The following ATRNL1 variants were observed in gnomAD, a reference collection of about 807,000 sequenced individuals.
The protein encoded by ATRNL1 is attractin like 1, also known as attractin-like protein 1.
A neutral mutation model predicts 182.7 loss-of-function variants in ATRNL1; 95 were observed. The ratio of observed to expected loss-of-function variants is 0.52; its 90% confidence interval spans 0.44 to 0.62. ATRNL1 has a LOEUF of 0.62. Ranked by LOEUF, ATRNL1 falls within the 20% of genes least tolerant of loss-of-function variation. The pLI, the probability that ATRNL1 is intolerant of heterozygous loss-of-function variation, is 0.00. For missense variants in ATRNL1, 1,471 were observed against 1,679.5 expected, an observed-to-expected ratio of 0.88 and a Z score of 2.17; for synonymous variants, 576 against 568.3, an observed-to-expected ratio of 1.01 and a Z score of -0.19.
intron 21 of ATRNL1, among the ~76,000 whole-genome samples, chr10:115,446,755 A>C (rs1847019609): frequency 6.6e-6 from 1 of 152,028 alleles, no homozygotes; most frequent in African/African-American, 2.4e-5. Flanking sequence ...CTCATACAAA[A>C]AGTGAGAAGT....
chr10:115,874,162 C>T (rs1951647560), intron 28 of ATRNL1, among the ~76,000 whole-genome samples: 1 of 152,178 alleles, frequency 6.6e-6, no homozygotes, highest in South Asian at 2.1e-4. Context: ...GTTGCCTTTT[C>T]TGGCAGTCAG....
At chr10:115,350,806 A>G (rs181880425) in intron 19 of ATRNL1, among the ~76,000 whole-genome samples, 11 of 152,236 alleles carry the variant, frequency 7.2e-5, no homozygotes, top group African/African-American at 2.4e-4. Context: ...TCTGAGAAGA[A>G]TGTCATTGGT....
intron 25 of ATRNL1, among the ~76,000 whole-genome samples, chr10:115,522,326 C>T (rs973322648): frequency 1.3e-5 from 2 of 152,010 alleles, no homozygotes; most frequent in Admixed American, 1.3e-4. Flanking sequence ...GAAGAGGAAG[C>T]GGAGCTGGCA....
chr10:115,584,837 T>A (rs1380315770), intron 26 of ATRNL1, among the ~76,000 whole-genome samples: 3 of 151,936 alleles, frequency 2.0e-5, no homozygotes, highest in East Asian at 2.0e-4. Context: ...TTAATTGTGA[T>A]GTTAGGGTGT....
intron 26 of ATRNL1, among the ~76,000 whole-genome samples, chr10:115,691,946 G>A (rs1402021818): frequency 2.6e-5 from 4 of 151,782 alleles, no homozygotes; most frequent in African/African-American, 7.3e-5. Flanking sequence ...CCTTCGCTTT[G>A]CAGAAGCTTC....
intron 24 of ATRNL1, among the ~76,000 whole-genome samples, chr10:115,515,318 CT>C (rs56692263): frequency 0.013 from 1,594 of 120,178 alleles, 16 homozygotes; most frequent in African/African-American, 0.044. Flanking sequence ...AATAGTTGTT[CT>C]TTTTTTTTTT....
intron 15 of ATRNL1, among the ~76,000 whole-genome samples, chr10:115,291,816 T>G (rs545926292): frequency 2.1e-4 from 32 of 151,518 alleles, no homozygotes; most frequent in African/African-American, 7.5e-4. Context: ...CTAGGTTTTT[T>G]TTTTTTTTTT....
chr10:115,135,419 T>G (rs1554876397), intron 5 of ATRNL1, among the ~76,000 whole-genome samples: 4 of 152,124 alleles, frequency 2.6e-5, no homozygotes. Flanking sequence ...AAATCATGAG[T>G]GAACTCCCAT....
At chr10:115,437,892 C>T (rs1301047856) in intron 21 of ATRNL1, among the ~76,000 whole-genome samples, 1 of 151,908 alleles carries the variant, frequency 6.6e-6, no homozygotes, top group Non-Finnish European at 1.5e-5. Flanking sequence ...CAGAGCAGTC[C>T]TATGACATAG....
intron 19 of ATRNL1, among the ~76,000 whole-genome samples, chr10:115,361,808 T>C (rs1267617851): frequency 6.6e-6 from 1 of 152,100 alleles, no homozygotes; most frequent in Non-Finnish European, 1.5e-5. Flanking sequence ...ATTTATAACT[T>C]AAATTTTTGA....
At chr10:115,429,892 C>T (rs1259755067) in intron 21 of ATRNL1, among the ~76,000 whole-genome samples, 9 of 152,002 alleles carry the variant, frequency 5.9e-5, no homozygotes, top group African/African-American at 1.9e-4. Flanking sequence ...GCGTTGAAAC[C>T]CCGTCTCTAC....
chr10:115,438,146 C>T lies in ATRNL1; in HGVS notation c.3322+11844C>T, dbSNP rs1272431446. On this transcript the variant is annotated intron_variant, in intron 21 of 28. Transcript: ENST00000355044. Reference sequence around the variant, plus strand: ...TTCAGAAACAATTCAAAATTTATATCTAAGAATTCTTCTTCCCAAATAAGT... The same window carrying T: ...TTCAGAAACAATTCAAAATTTATATTTAAGAATTCTTCTTCCCAAATAAGT... 2.0e-5 allele frequency among the ~76,000 whole-genome samples: 3 copies of T among 152,126 alleles called. No individual in the cohort carries two copies. In the East Asian group the frequency reaches 5.8e-4, roughly 29 times the overall value.
rs146633382 is a variant in ATRNL1 at position 115,519,403 on chromosome 10, G to A, written c.3716+79G>A. 1.3e-4 allele frequency: 154 copies of A among 1,201,034 alleles called. No individual in the cohort carries two copies. In the African/African-American group the frequency reaches 1.7e-3, roughly 13 times the overall value. 74.4% of individuals were successfully genotyped at this position (1,201,034 alleles called of 1,614,324 possible). On this transcript the variant is annotated intron_variant, in intron 25 of 28. Transcript: ENST00000355044. The stretch of plus-strand genomic sequence containing the variant: ...TGTCCTGTCAATCTGTTAGATAATC[G>A]ACCAATTCTAAAACCTTAAAGTATC...
intron 26 of ATRNL1, among the ~76,000 whole-genome samples, chr10:115,709,267 C>T (rs1946991809): frequency 6.6e-6 from 1 of 151,848 alleles, no homozygotes; most frequent in Non-Finnish European, 1.5e-5. Flanking sequence ...ACACTCACTA[C>T]AATGCTAGAA....
chr10:115,605,969 A>C (rs1194733931), intron 26 of ATRNL1, among the ~76,000 whole-genome samples: 1 of 152,042 alleles, frequency 6.6e-6, no homozygotes, highest in African/African-American at 2.4e-5. Context: ...TATCAGTAAG[A>C]AAGATGCATG....
At chr10:115,346,465 T>A (rs1554939749) in intron 19 of ATRNL1, among the ~76,000 whole-genome samples, 2 of 152,228 alleles carry the variant, frequency 1.3e-5, no homozygotes, top group Admixed American at 6.5e-5. Flanking sequence ...GGTTGAATAA[T>A]GTTTCATTAT....
chr10:115,355,947 TTTCAACATAATGACAG>T (rs1554942681), intron 19 of ATRNL1, among the ~76,000 whole-genome samples: 1 of 152,122 alleles, frequency 6.6e-6, no homozygotes, highest in African/African-American at 2.4e-5. Flanking sequence ...AAAAGAGTTC[TTTCAACATAATGACAG>T]TTCTATTTTT....
chr10:115,341,892 G>C (rs1162828184), intron 19 of ATRNL1, among the ~76,000 whole-genome samples: 1 of 151,678 alleles, frequency 6.6e-6, no homozygotes, highest in African/African-American at 2.4e-5. Flanking sequence ...CTTTATCATA[G>C]GCTACATGTG....
chr10:115,358,370 T>C (rs1405578020), intron 19 of ATRNL1, among the ~76,000 whole-genome samples: 1 of 151,688 alleles, frequency 6.6e-6, no homozygotes, highest in Non-Finnish European at 1.5e-5. Context: ...TAAATCCTTT[T>C]ATACTGAGCC....
Sources: gnomAD v4.1 joint callset for allele counts (sites outside exome capture counted in the v4.1 genomes callset) on GRCh38, gnomAD v4.1.1 for gene constraint, MANE v1.5 for transcripts, NCBI Gene and HGNC (gene_info 2026-07-23, HGNC 2026-07-21) for gene names.